The following CFAP69 variants were observed in gnomAD, a reference collection of about 807,000 sequenced individuals.
CFAP69 encodes the protein cilia- and flagella-associated protein 69.
CFAP69 carries 92 observed loss-of-function variants against 123.0 expected under a neutral mutation model. The ratio of observed to expected loss-of-function variants is 0.75; its 90% confidence interval spans 0.63 to 0.89. The LOEUF is 0.89. CFAP69 is among the 40% of genes least tolerant of loss of function. The pLI is 0.00. For missense variants in CFAP69, 1,067 were observed against 1,096.9 expected (o/e 0.97, Z 0.39); for synonymous variants, 380 against 364.3 (o/e 1.04, Z -0.49).
At chr7:90,263,986 G>A (rs772551220) in intron 4 of CFAP69, among the ~76,000 whole-genome samples, 130 of 151,000 alleles carry the variant, frequency 8.6e-4, no homozygotes, top group Non-Finnish European at 4.4e-4. Flanking sequence ...AGCTACTCGG[G>A]AGGCTGAGGC....
chr7:90,303,584 A>C, intron 17 of CFAP69: 1 of 958,962 alleles, frequency 1.0e-6, no homozygotes, highest in Non-Finnish European at 1.2e-6. Context: ...TAGCATCATA[A>C]AATAGTTTTT....
At position 90,304,349 on chromosome 7, in the gene CFAP69, T is replaced by G. The variant is rs908171283; in HGVS notation, c.2188+243T>G. Reference sequence around the variant, plus strand: ...AGGCAATTCCAATGTGCAGATAGGATTAAGGACAGTTAGTTTAGATGATTA... The same window carrying G: ...AGGCAATTCCAATGTGCAGATAGGAGTAAGGACAGTTAGTTTAGATGATTA... On this transcript the variant is annotated intron_variant, in intron 18 of 22. Transcript: ENST00000389297. 2.1e-4 allele frequency: 260 copies of G among 1,256,182 alleles called. 1 individual carries two copies. In the African/African-American group the frequency reaches 3.7e-3, roughly 18 times the overall value. The allele number at this position is 1,256,182 out of a possible 1,614,324, so 77.8% of individuals were successfully genotyped here.
intron 1 of CFAP69, among the ~76,000 whole-genome samples, chr7:90,253,686 C>T (rs1016562430): frequency 1.3e-5 from 2 of 152,116 alleles, no homozygotes; most frequent in East Asian, 1.9e-4. Flanking sequence ...CCATCACGGC[C>T]GGCCTTGTTT....
chr7:90,245,629 G>A, intron 1 of CFAP69, 85 bp downstream of exon 1: 1 of 1,413,492 alleles, frequency 7.1e-7, no homozygotes. Context: ...GGTGGCAAGG[G>A]TGGAACTGGG....
rs1222445141 is a variant in CFAP69, at chr7:90,282,914, C to T, written c.1395C>T (p.Asn465=). The T allele has an allele frequency of 6.5e-7, 1 of 1,528,850 alleles. No individual in the cohort carries two copies. Among genetic ancestry groups the T allele is most frequent in the African/African-American group, 1.4e-5 (1 of 71,024 alleles). The allele number at this position is 1,528,850 out of a possible 1,614,324, so 94.7% of individuals were successfully genotyped here. The change falls in exon 13 of 23, where the codon AAC becomes AAT. Residue 465 remains asparagine, a synonymous_variant. Coordinates refer to ENST00000389297, the MANE Select transcript of CFAP69 (RefSeq NM_001039706.3). ...ESEDPFFSHG[N]SFHGTGGRGN... ...CAGATCCGTTTTTCAGTCATGGTAACAGTTTTCATGGTACAGGTGGCCGAG... is the reference window on the plus strand; with the variant it reads ...CAGATCCGTTTTTCAGTCATGGTAATAGTTTTCATGGTACAGGTGGCCGAG...
At chr7:90,307,410 A>G (rs1427377739) in intron 20 of CFAP69, among the ~76,000 whole-genome samples, 1 of 152,240 alleles carries the variant, frequency 6.6e-6, no homozygotes, top group African/African-American at 2.4e-5. Flanking sequence ...AGCCACAGAT[A>G]CCATTAAGGC....
At chr7:90,245,636 T>C (rs1796238139) in intron 1 of CFAP69, 92 bp downstream of exon 1, 3 of 1,390,052 alleles carry the variant, frequency 2.2e-6, no homozygotes, top group Non-Finnish European at 2.8e-6. Flanking sequence ...AGGGTGGAAC[T>C]GGGGACAGGA....
intron 18 of CFAP69, 184 bp from the exon 19 acceptor site, chr7:90,304,560 C>A (rs9655741): frequency 2.9e-6 from 4 of 1,366,050 alleles, no homozygotes; most frequent in Non-Finnish European, 9.4e-7. Flanking sequence ...TAGAAAGAAG[C>A]CTACTCACAA....
intron 22 of CFAP69, 82 bp downstream of exon 22, chr7:90,309,449 C>T: frequency 1.4e-6 from 1 of 703,726 alleles, no homozygotes; most frequent in Non-Finnish European, 2.2e-6. Flanking sequence ...TACTGAAAAC[C>T]ATTGAATTTT....
rs190643190 is a variant in CFAP69 at position 90,285,318 on chromosome 7, G to A, written c.1538-963G>A. ...AGTCAGTCGCTCAGGGCCAGTTATG[G>A]AGATAGGCTATGATTTCCATGGCCC... is the stretch of plus-strand genomic sequence containing the variant. On this transcript the variant is annotated intron_variant, in intron 13 of 22. Coordinates refer to ENST00000389297, the MANE Select transcript of CFAP69 (RefSeq NM_001039706.3). 3.9e-5 allele frequency among the ~76,000 whole-genome samples: 6 copies of A among 152,246 alleles called. No individual in the cohort carries two copies. The East Asian group carries it at 1.2e-3, about 29-fold the overall frequency.
chr7:90,312,494 G>T (rs565423166), downstream of CFAP69: 3 of 152,244 alleles, frequency 2.0e-5, no homozygotes, highest in South Asian at 2.1e-4. Flanking sequence ...CAAGAAGAAA[G>T]GTAAAACAGG....
At chr7:90,302,789 T>A (rs1414880512) in intron 17 of CFAP69, 1 of 152,216 alleles carries the variant, frequency 6.6e-6, no homozygotes, top group African/African-American at 2.4e-5. Context: ...TAGGATTTCC[T>A]TGGCTATTGG....
chr7:90,296,572 C>T (rs185532063), intron 15 of CFAP69, among the ~76,000 whole-genome samples: 35 of 152,004 alleles, frequency 2.3e-4, no homozygotes, highest in African/African-American at 7.3e-4. Flanking sequence ...AGGTGATCCA[C>T]CCCCCTCAGC....
chr7:90,297,804 ATTTT>A lies in CFAP69; in HGVS notation c.1833_1836del (p.Phe612SerfsTer6). 1 of 1,574,564 alleles carries A rather than the reference ATTTT, an allele frequency of 6.4e-7. No individual in the cohort carries two copies. On this transcript the variant is annotated frameshift_variant, in exon 16 of 23. Coordinates refer to ENST00000389297, the MANE Select transcript of CFAP69 (RefSeq NM_001039706.3). ...GGATTATTTTCTTGAAAAGGAAGGC[ATTTT>A]TCTCCTTTTGGATTTGTTAGCAGTA...
chr7:90,318,441 T>C, the CFAP69 span: 3 of 152,152 alleles, frequency 2.0e-5, no homozygotes, highest in Non-Finnish European at 4.4e-5. Flanking sequence ...TACTTTAATA[T>C]AGAAGATGGC....
intron 1 of CFAP69, among the ~76,000 whole-genome samples, chr7:90,255,065 A>T (rs568027355): frequency 5.3e-4 from 81 of 152,356 alleles, no homozygotes; most frequent in African/African-American, 1.9e-3. Flanking sequence ...TATAGTTTAG[A>T]AGCTACTCTT....
the CFAP69 span, chr7:90,321,023 G>T: frequency 6.6e-6 from 1 of 152,262 alleles, no homozygotes; most frequent in African/African-American, 2.4e-5. Context: ...CGCTCGTTGG[G>T]AGGAGGACGG....
At chr7:90,248,371 G>A (rs2116509639) in intron 1 of CFAP69, among the ~76,000 whole-genome samples, 1 of 152,284 alleles carries the variant, frequency 6.6e-6, no homozygotes, top group East Asian at 1.9e-4. Flanking sequence ...ATTTTTCTGT[G>A]TGTATGCTTT....
At chr7:90,280,148 C>A (rs1789251477) in intron 12 of CFAP69, among the ~76,000 whole-genome samples, 1 of 152,094 alleles carries the variant, frequency 6.6e-6, no homozygotes, top group South Asian at 2.1e-4. Context: ...ATTATTAGAC[C>A]TATCTAAAAA....
Sources: allele counts gnomAD v4.1 joint callset (sites outside exome capture counted in the v4.1 genomes callset), GRCh38; gene constraint gnomAD v4.1.1; transcripts MANE v1.5; gene names NCBI Gene and HGNC (gene_info 2026-07-23, HGNC 2026-07-21).